The following USH2A variants were observed in gnomAD, a reference collection of about 807,000 sequenced individuals.
USH2A encodes Usher syndrome 2A (autosomal recessive, mild).
In USH2A, 443 loss-of-function variants were observed where a neutral mutation model predicts 538.9. The observed-to-expected ratio is 0.82, with a 90% confidence interval of 0.76 to 0.89. The LOEUF is 0.89. Ranked by LOEUF, USH2A falls within the 40% of genes least tolerant of loss-of-function variation. The pLI is 0.00. For missense variants in USH2A, 6,633 were observed against 6,324.8 expected, an observed-to-expected ratio of 1.05 and a Z score of -1.65; for synonymous variants, 2,413 against 2,273.5, an observed-to-expected ratio of 1.06 and a Z score of -1.75.
chr1:215,891,866 G>A (rs780481936), intron 40 of USH2A, among the ~76,000 whole-genome samples: 4 of 152,132 alleles, frequency 2.6e-5, no homozygotes, highest in Non-Finnish European at 5.9e-5. Context: ...AGCGCTCTCC[G>A]TGGGTGTAAT....
At chr1:216,409,543 A>C (rs1410590645) in intron 3 of USH2A, among the ~76,000 whole-genome samples, 1 of 152,192 alleles carries the variant, frequency 6.6e-6, no homozygotes, top group Non-Finnish European at 1.5e-5. Flanking sequence ...ACATAGACCG[A>C]AGAAAAAGAA....
At position 216,198,456 on chromosome 1, in the gene USH2A, C is replaced by T. The variant is rs753327667; in HGVS notation, c.3940G>A (p.Glu1314Lys). Residue 1314 changes from glutamate to lysine, a missense_variant, in exon 18 of 72, where the codon GAA becomes AAA. Transcript: ENST00000307340. Reference protein sequence around the residue: ...SPHSFVESANENALKPPQTMT... With the variant: ...SPHSFVESANKNALKPPQTMT... The stretch of plus-strand genomic sequence containing the variant: ...GTTTGAGGAGGTTTTAATGCATTTT[C>T]ATTGGCCGATTCTACAAATGAATGA... The T allele has an allele frequency of 6.2e-7, 1 of 1,614,034 alleles. No homozygotes were observed.
At position 215,781,645 on chromosome 1, in the gene USH2A, T is replaced by G. The variant is rs534560711; in HGVS notation, c.10740+397A>C. Among the ~76,000 whole-genome samples, 10 of 152,328 alleles carry G rather than the reference T, an allele frequency of 6.6e-5. No individual in the cohort carries two copies. In the South Asian group the frequency reaches 2.1e-3, roughly 32 times the overall value. ...TTTCCGTGCCAGGCTTTTTTGCCCTTCTCTTCATTTTTTAAAATCAGACAA... is the reference window on the plus strand; with the variant it reads ...TTTCCGTGCCAGGCTTTTTTGCCCTGCTCTTCATTTTTTAAAATCAGACAA... On this transcript the variant is annotated intron_variant, in intron 54 of 71. Coordinates refer to ENST00000307340, the MANE Select transcript of USH2A (RefSeq NM_206933.4).
intron 4 of USH2A, among the ~76,000 whole-genome samples, chr1:216,350,307 C>G (rs1000715902): frequency 3.3e-5 from 5 of 152,068 alleles, no homozygotes; most frequent in African/African-American, 1.2e-4. Flanking sequence ...AATTTCATGT[C>G]ATTTTCATGT....
intron 3 of USH2A, among the ~76,000 whole-genome samples, chr1:216,414,005 A>G (rs1390748631): frequency 6.6e-6 from 1 of 152,148 alleles, no homozygotes; most frequent in Non-Finnish European, 1.5e-5. Flanking sequence ...ATATTGTTTT[A>G]CCTACCAATC....
chr1:216,139,246 T>G (rs2033549969), intron 21 of USH2A, among the ~76,000 whole-genome samples: 1 of 152,004 alleles, frequency 6.6e-6, no homozygotes, highest in South Asian at 2.1e-4. Flanking sequence ...TAGAATGGAC[T>G]CTCAACTTGC....
intron 58 of USH2A, among the ~76,000 whole-genome samples, chr1:215,754,897 T>C (rs928328084): frequency 2.6e-5 from 4 of 152,178 alleles, no homozygotes; most frequent in Admixed American, 2.6e-4. Context: ...GATTTTTGGA[T>C]GGGTAGGTAA....
At chr1:216,021,102 A>G (rs1668834786) in intron 32 of USH2A, among the ~76,000 whole-genome samples, 1 of 152,160 alleles carries the variant, frequency 6.6e-6, no homozygotes, top group African/African-American at 2.4e-5. Context: ...GAGCTGAACT[A>G]TAGCATGCCT....
intron 2 of USH2A, among the ~76,000 whole-genome samples, chr1:216,418,996 A>C (rs1044180953): frequency 2.0e-5 from 3 of 152,280 alleles, no homozygotes; most frequent in Admixed American, 2.0e-4. Context: ...TTGGCTCATT[A>C]GTTCTCCTGC....
At chr1:216,268,586 G>A (rs2036518592) in intron 11 of USH2A, among the ~76,000 whole-genome samples, 1 of 152,048 alleles carries the variant, frequency 6.6e-6, no homozygotes, top group Non-Finnish European at 1.5e-5. Context: ...ATGGATGTGG[G>A]GCAGTACTTG....
chr1:215,870,853 A>G (rs1016921958), intron 43 of USH2A, among the ~76,000 whole-genome samples: 16 of 152,176 alleles, frequency 1.1e-4, no homozygotes, highest in African/African-American at 3.9e-4. Context: ...TCCATTTAAT[A>G]AATGATAAAA....
intron 56 of USH2A, among the ~76,000 whole-genome samples, chr1:215,765,353 G>A (rs1661096455): frequency 6.6e-6 from 1 of 152,026 alleles, no homozygotes; most frequent in Non-Finnish European, 1.5e-5. Flanking sequence ...TCCTGGTGAG[G>A]AGCCATATGC....
intron 61 of USH2A, among the ~76,000 whole-genome samples, chr1:215,695,505 A>T (rs1369281394): frequency 1.3e-5 from 2 of 152,206 alleles, no homozygotes; most frequent in African/African-American, 2.4e-5. Flanking sequence ...AAACAACCAG[A>T]TTCTAAAACT....
chr1:216,286,292 A>G (rs2036883173), intron 11 of USH2A, among the ~76,000 whole-genome samples: 1 of 152,106 alleles, frequency 6.6e-6, no homozygotes, highest in South Asian at 2.1e-4. Flanking sequence ...ATGAAATCTG[A>G]TGGTTTCAAA....
intron 44 of USH2A, among the ~76,000 whole-genome samples, chr1:215,850,407 TG>T (rs1663984986): frequency 6.6e-6 from 1 of 152,172 alleles, no homozygotes; most frequent in Admixed American, 6.6e-5. Flanking sequence ...GTCAAATCAT[TG>T]AACTACATTT....
chr1:216,401,585 C>T (rs1234235332), intron 3 of USH2A, among the ~76,000 whole-genome samples: 1 of 151,882 alleles, frequency 6.6e-6, no homozygotes, highest in Admixed American at 6.6e-5. Flanking sequence ...CAACACAGGT[C>T]AGTTGAAATT....
intron 55 of USH2A, among the ~76,000 whole-genome samples, chr1:215,768,171 T>C (rs1661185179): frequency 6.6e-6 from 1 of 152,192 alleles, no homozygotes; most frequent in African/African-American, 2.4e-5. Context: ...CCATCCCTTT[T>C]TATCCCCTCA....
chr1:216,064,241 T>C (rs1214856251), intron 30 of USH2A, among the ~76,000 whole-genome samples: 1 of 152,216 alleles, frequency 6.6e-6, no homozygotes, highest in Non-Finnish European at 1.5e-5. Context: ...TATTCCACTT[T>C]AGGGTTGTGG....
intron 21 of USH2A, among the ~76,000 whole-genome samples, chr1:216,152,620 A>C (rs61826934): frequency 3.9e-5 from 6 of 152,080 alleles, no homozygotes; most frequent in Non-Finnish European, 8.8e-5. Context: ...GCCTGCACCC[A>C]GGTGAAATAA....
Sources: gnomAD v4.1 joint callset for allele counts (sites outside exome capture counted in the v4.1 genomes callset) on GRCh38, gnomAD v4.1.1 for gene constraint, MANE v1.5 for transcripts, NCBI Gene and HGNC (gene_info 2026-07-23, HGNC 2026-07-21) for gene names.